PCDHA11: variants seen among roughly 807,000 people sequenced by gnomAD.
The protein encoded by PCDHA11 is protocadherin alpha-11.
Under a neutral mutation model 70.3 loss-of-function variants are expected in PCDHA11, and 61 were observed. The ratio of observed to expected loss-of-function variants is 0.87; its 90% confidence interval spans 0.71 to 1.07. The LOEUF (loss-of-function observed/expected upper bound fraction) is 1.07. Among genes scored for constraint, PCDHA11 ranks in the 50% least tolerant of loss-of-function variants. The pLI is 0.00. For synonymous variants in PCDHA11, 633 were observed against 555.1 expected (o/e 1.14, Z -1.97); for missense variants, 1,324 against 1,237.5 (o/e 1.07, Z -1.05).
chr5:140,934,337 A>G (rs1404340648), intron 1 of PCDHA11, among the ~76,000 whole-genome samples: 1 of 152,128 alleles, frequency 6.6e-6, no homozygotes, highest in African/African-American at 2.4e-5. Context: ...TGTAATAACC[A>G]CCAGTACAGT....
rs781919488 is a variant in PCDHA11 at position 141,010,129 on chromosome 5, G to T, written c.*192G>T. 1 of 1,601,910 alleles carries T rather than the reference G, an allele frequency of 6.2e-7. No individual in the cohort carries two copies. Among genetic ancestry groups the T allele is most frequent in the East Asian group, 2.2e-5 (1 of 44,578 alleles). ...TGTCGTAAAAGCTTTACTAAGTCTGGTGTTAACTCTTTCTCTCCACTCTGG... is the reference window on the plus strand; with the variant it reads ...TGTCGTAAAAGCTTTACTAAGTCTGTTGTTAACTCTTTCTCTCCACTCTGG... On this transcript the variant is annotated 3_prime_UTR_variant, in exon 4 of 4. Transcript: ENST00000398640.
intron 1 of PCDHA11, among the ~76,000 whole-genome samples, chr5:140,922,496 G>A (rs1554200851): frequency 6.6e-6 from 1 of 152,222 alleles, no homozygotes; most frequent in African/African-American, 2.4e-5. Flanking sequence ...ATCTGAGAGT[G>A]AGCAGATGCA....
chr5:140,926,903 G>C (rs369906778), intron 1 of PCDHA11: 13 of 1,557,942 alleles, frequency 8.3e-6, no homozygotes, highest in African/African-American at 1.4e-5. Flanking sequence ...ATGGTGGGCT[G>C]TGGGGTGGCA....
chr5:140,882,651 A>T, intron 1 of PCDHA11: 1 of 1,614,206 alleles, frequency 6.2e-7, no homozygotes, highest in Non-Finnish European at 8.5e-7. Context: ...GACATTAACG[A>T]CAACCCGCCC....
chr5:141,009,852 A>G lies in PCDHA11; in HGVS notation c.2765A>G (p.Lys922Arg), dbSNP rs1554262492. The G allele has an allele frequency of 6.2e-7, 1 of 1,614,074 alleles. No homozygotes were observed. Among genetic ancestry groups the G allele is most frequent in the East Asian group, 2.2e-5 (1 of 44,874 alleles). ...FITFGKKEET[K>R]KKKKKKKGNK... ...ACCTTCGGCAAAAAGGAGGAGACCA[A>G]GAAAAAGAAGAAAAAGAAGAAGGGT... Residue 922 changes from lysine (K) to arginine (R), a missense_variant, in exon 4 of 4, where the codon AAG becomes AGG. Physicochemically the swap from Lys to Arg is conservative, Grantham distance 26. Coordinates refer to ENST00000398640, the MANE Select transcript of PCDHA11 (RefSeq NM_018902.5).
At chr5:140,871,549 T>C (rs1554165727) in intron 1 of PCDHA11, 55 bp downstream of exon 1, 6 of 1,496,034 alleles carry the variant, frequency 4.0e-6, no homozygotes, top group Non-Finnish European at 5.4e-6. Flanking sequence ...TTATTTAAAA[T>C]CCAGTTTTTT....
chr5:140,980,981 A>G (rs1255751936), intron 2 of PCDHA11, among the ~76,000 whole-genome samples: 1 of 152,188 alleles, frequency 6.6e-6, no homozygotes, highest in Non-Finnish European at 1.5e-5. Context: ...GACTGAGCCC[A>G]CACAATTTGC....
intron 2 of PCDHA11, among the ~76,000 whole-genome samples, chr5:140,979,796 T>A (rs1322390860): frequency 3.3e-5 from 5 of 152,236 alleles, no homozygotes; most frequent in Non-Finnish European, 7.3e-5. Flanking sequence ...AAACAAATGA[T>A]CACAACTATC....
chr5:140,967,251 CG>C, intron 1 of PCDHA11: 1 of 1,613,410 alleles, frequency 6.2e-7, no homozygotes, highest in Non-Finnish European at 8.5e-7. Flanking sequence ...GAATCGGTGG[CG>C]CCTGGAGCGC....
chr5:140,968,500 C>T, intron 1 of PCDHA11: 2 of 1,614,222 alleles, frequency 1.2e-6, no homozygotes, highest in Middle Eastern at 1.6e-4. Context: ...ATGCCCCTCA[C>T]ATTCTGTACC....
At chr5:140,912,410 T>C (rs2075912290) in intron 1 of PCDHA11, among the ~76,000 whole-genome samples, 1 of 152,090 alleles carries the variant, frequency 6.6e-6, no homozygotes, top group Non-Finnish European at 1.5e-5. Context: ...AGCTTGGTTA[T>C]TATTGGTGTA....
chr5:140,968,068 C>T (rs1554230278), intron 1 of PCDHA11: 1 of 1,614,024 alleles, frequency 6.2e-7, no homozygotes, highest in East Asian at 2.2e-5. Context: ...GGGTGGCTGT[C>T]TACAACATCA....
intron 1 of PCDHA11, among the ~76,000 whole-genome samples, chr5:140,880,101 T>C (rs1190307689): frequency 6.6e-6 from 1 of 152,192 alleles, no homozygotes; most frequent in Non-Finnish European, 1.5e-5. Context: ...CTTAAAATCA[T>C]AGAAGGATAG....
At chr5:141,006,108 T>G (rs1268824828) in intron 3 of PCDHA11, among the ~76,000 whole-genome samples, 3 of 151,864 alleles carry the variant, frequency 2.0e-5, no homozygotes, top group Non-Finnish European at 4.4e-5. Flanking sequence ...GTAAGGAGTT[T>G]TTTTTTTTTT....
At chr5:140,932,113 T>G (rs2088043197) in intron 1 of PCDHA11, among the ~76,000 whole-genome samples, 1 of 151,918 alleles carries the variant, frequency 6.6e-6, no homozygotes, top group South Asian at 2.1e-4. Flanking sequence ...TATTTCCAAT[T>G]GATAATATTT....
intron 1 of PCDHA11, chr5:140,927,113 A>G (rs782135853): frequency 1.9e-6 from 3 of 1,613,684 alleles, no homozygotes; most frequent in African/African-American, 1.3e-5. Context: ...CCCAGCGGCA[A>G]TTTGGTGGTC....
intron 1 of PCDHA11, among the ~76,000 whole-genome samples, chr5:140,969,910 A>G (rs1364534841): frequency 9.9e-5 from 15 of 152,216 alleles, no homozygotes; most frequent in African/African-American, 3.6e-4. Context: ...GTCACAAGTG[A>G]TAAAGCTGTA....
intron 1 of PCDHA11, among the ~76,000 whole-genome samples, chr5:140,941,247 CTTTCTTTCTCTT>C (rs1165264412): frequency 7.0e-5 from 9 of 128,506 alleles, no homozygotes; most frequent in African/African-American, 1.7e-4. Context: ...TTCTTTCTTT[CTTTCTTTCTCTT>C]TCTTTCTTTC....
intron 1 of PCDHA11, chr5:140,884,600 C>T: frequency 6.2e-7 from 1 of 1,614,150 alleles, no homozygotes; most frequent in Non-Finnish European, 8.5e-7. Flanking sequence ...CAGCCTTCCT[C>T]CTTGTCTGGG....
Sources: allele counts gnomAD v4.1 joint callset (sites outside exome capture counted in the v4.1 genomes callset), GRCh38; gene constraint gnomAD v4.1.1; transcripts MANE v1.5; gene names NCBI Gene and HGNC (gene_info 2026-07-23, HGNC 2026-07-21).